ALK: variants seen among roughly 807,000 people sequenced by gnomAD.
ALK encodes the protein ALK tyrosine kinase receptor.
A neutral mutation model predicts 163.1 loss-of-function variants in ALK; 74 were observed. The observed-to-expected ratio is 0.45, with a 90% CI of 0.38 to 0.55. The LOEUF (loss-of-function observed/expected upper bound fraction) is 0.55, where lower values mean the gene tolerates loss of function less well. Ranked by LOEUF, ALK falls within the 20% of genes least tolerant of loss-of-function variation. ALK has a pLI of 0.00. For missense variants in ALK, 2,063 were observed against 2,105.3 expected, an observed-to-expected ratio of 0.98 and a Z score of 0.39; for synonymous variants, 960 against 843.2, an observed-to-expected ratio of 1.14 and a Z score of -2.40.
In ALK at chr2:29,193,200, A is replaced by AGAG. The variant is rs746416960; in HGVS notation, c.*21_*23dup. The AGAG allele has an allele frequency of 6.2e-7, 1 of 1,607,714 alleles. No individual in the cohort carries two copies. The highest frequency in any genetic ancestry group is 1.7e-5 in the Admixed American group (1 of 59,992). The stretch of plus-strand genomic sequence containing the variant: ...TCCACGGTCTTAGGGATCCCAAGGA[A>AGAG]GAGAAGTGAGTGTGCGACCGAGCTC... On this transcript the variant is annotated 3_prime_UTR_variant, in exon 29 of 29. Coordinates refer to ENST00000389048, the MANE Select transcript of ALK (RefSeq NM_004304.5).
chr2:29,661,157 A>T (rs774572701), intron 3 of ALK, among the ~76,000 whole-genome samples: 3 of 152,136 alleles, frequency 2.0e-5, no homozygotes, highest in Non-Finnish European at 2.9e-5. Context: ...ACCCTAAAAC[A>T]AGATATTATT....
At chr2:29,475,533 G>A (rs562473073) in intron 4 of ALK, among the ~76,000 whole-genome samples, 5 of 152,134 alleles carry the variant, frequency 3.3e-5, no homozygotes, top group South Asian at 2.1e-4. Flanking sequence ...TCTCGGGCCC[G>A]CCGGACGAGG....
chr2:29,749,733 A>C (rs1391536996), intron 1 of ALK, among the ~76,000 whole-genome samples: 2 of 152,072 alleles, frequency 1.3e-5, no homozygotes, highest in African/African-American at 4.8e-5. Flanking sequence ...AGCCCACATA[A>C]GGCAACTTCA....
In ALK at chr2:29,921,035, C is replaced by T. The variant is rs1254508871; in HGVS notation, c.-376G>A. 1.1e-5 allele frequency: 3 copies of T among 282,292 alleles called. No homozygotes were observed. In the East Asian group the frequency reaches 1.6e-4, roughly 15 times the overall value. 17.5% of individuals were successfully genotyped at this position (282,292 alleles called of 1,614,324 possible). Reference sequence around the variant, plus strand: ...GCAGTTGGGTACCGTCCTCTCCTGCCCCCCGCAGTCGGAGCTGGGGTCTGT... The same window carrying T: ...GCAGTTGGGTACCGTCCTCTCCTGCTCCCCGCAGTCGGAGCTGGGGTCTGT... On this transcript the variant is annotated 5_prime_UTR_variant, in exon 1 of 29. Transcript: ENST00000389048.
chr2:29,624,654 T>C (rs1029468504), intron 3 of ALK, among the ~76,000 whole-genome samples: 3 of 152,212 alleles, frequency 2.0e-5, no homozygotes, highest in Non-Finnish European at 2.9e-5. Flanking sequence ...GGCTTAATAC[T>C]GGGTGATGGG....
intron 1 of ALK, among the ~76,000 whole-genome samples, chr2:29,832,525 G>A (rs558393043): frequency 1.1e-4 from 17 of 152,360 alleles, no homozygotes; most frequent in African/African-American, 3.6e-4. Flanking sequence ...AGGGCTACAC[G>A]AATGCCCTAC....
At chr2:29,506,255 T>G (rs532441466) in intron 4 of ALK, among the ~76,000 whole-genome samples, 1 of 152,316 alleles carries the variant, frequency 6.6e-6, no homozygotes, top group South Asian at 2.1e-4. Flanking sequence ...TGGTTCTTGC[T>G]TTTCTTTATA....
Position 29,837,642 on chromosome 2 carries a change from C to T in ALK, c.667+82351G>A, listed in dbSNP as rs78423407. ...TAAACTAGCCCTAGGTTAAAGACTA[C>T]TTTAGATCATCTCTTTAAAAGCTTA... is the stretch of plus-strand genomic sequence containing the variant. On this transcript the variant is annotated intron_variant, in intron 1 of 28. Transcript: ENST00000389048. Among the ~76,000 whole-genome samples, 36 of 152,296 alleles carry T rather than the reference C, an allele frequency of 2.4e-4. No homozygotes were observed. The East Asian group carries it at 5.6e-3, about 24-fold the overall frequency.
At chr2:29,509,252 CT>C (rs1425955333) in intron 4 of ALK, among the ~76,000 whole-genome samples, 13 of 152,252 alleles carry the variant, frequency 8.5e-5, no homozygotes, top group African/African-American at 2.9e-4. Context: ...TTGATTTCGG[CT>C]TCATCTCTCA....
chr2:29,582,479 G>A (rs1410363409), intron 3 of ALK, among the ~76,000 whole-genome samples: 2 of 152,206 alleles, frequency 1.3e-5, no homozygotes, highest in East Asian at 1.9e-4. Context: ...TGCCATGGAT[G>A]TGACAGATTG....
rs573882725 is a variant in ALK, at chr2:29,620,583, C to T, written c.952+74267G>A. Among the ~76,000 whole-genome samples, 14 of 152,000 alleles carry T rather than the reference C, an allele frequency of 9.2e-5. No individual in the cohort carries two copies. The South Asian group carries it at 2.7e-3, about 29-fold the overall frequency. ...GGAGTCGGGGCCCTGGATTCTAGAC[C>T]CGGCTCTGCCATTCAGCAGCTGCAT... On this transcript the variant is annotated intron_variant, in intron 3 of 28. Transcript: ENST00000389048.
intron 20 of ALK, 35 bp downstream of exon 20, chr2:29,223,307 C>A (rs1447741811): frequency 1.2e-6 from 2 of 1,611,806 alleles, no homozygotes; most frequent in Admixed American, 3.3e-5. Flanking sequence ...CTACACTGCA[C>A]CCCTCTCCTC....
intron 1 of ALK, chr2:29,890,782 T>G (rs1235200862): frequency 1.3e-5 from 2 of 152,216 alleles, no homozygotes; most frequent in Non-Finnish European, 2.9e-5. Flanking sequence ...AACCGTTCCC[T>G]TGCCTCAATT....
At chr2:29,298,212 G>T (rs1410112484) in intron 8 of ALK, among the ~76,000 whole-genome samples, 2 of 152,212 alleles carry the variant, frequency 1.3e-5, no homozygotes, top group Non-Finnish European at 2.9e-5. Context: ...CCTGGACCTT[G>T]TAAGCCTGGT....
chr2:29,248,411 T>C (rs932857497), intron 12 of ALK, among the ~76,000 whole-genome samples: 1 of 152,190 alleles, frequency 6.6e-6, no homozygotes, highest in Non-Finnish European at 1.5e-5. Context: ...TGCAGTGAGC[T>C]GAGGTGGCAC....
At chr2:29,918,915 T>C (rs1011105474) in intron 1 of ALK, among the ~76,000 whole-genome samples, 1 of 152,254 alleles carries the variant, frequency 6.6e-6, no homozygotes, top group Non-Finnish European at 1.5e-5. Context: ...TTCTTTTCTG[T>C]GCCTTTCTTA....
chr2:29,727,524 A>C (rs991602352), intron 1 of ALK, among the ~76,000 whole-genome samples: 1 of 152,168 alleles, frequency 6.6e-6, no homozygotes, highest in Admixed American at 6.5e-5. Context: ...GTTTCTCTGC[A>C]TGTAAAACAG....
At chr2:29,204,411 T>G (rs1266022751) in intron 26 of ALK, among the ~76,000 whole-genome samples, 1 of 152,208 alleles carries the variant, frequency 6.6e-6, no homozygotes, top group African/African-American at 2.4e-5. Flanking sequence ...TTTTATGACC[T>G]TGACAGGTTT....
intron 4 of ALK, among the ~76,000 whole-genome samples, chr2:29,524,391 G>T (rs77659238): frequency 1.3e-5 from 2 of 152,314 alleles, no homozygotes; most frequent in Non-Finnish European, 2.9e-5. Context: ...CAGGCGTGAC[G>T]CCAAGGTTCA....
Sources: gnomAD v4.1 joint callset for allele counts (sites outside exome capture counted in the v4.1 genomes callset) on GRCh38, gnomAD v4.1.1 for gene constraint, MANE v1.5 for transcripts, NCBI Gene and HGNC (gene_info 2026-07-23, HGNC 2026-07-21) for gene names.